Variants in RASAL2 observed in about 807,000 individuals in gnomAD.
The protein encoded by RASAL2 is RAS protein activator like 2.
Under a neutral mutation model 128.9 loss-of-function variants are expected in RASAL2, and 58 were observed. The ratio of observed to expected loss-of-function variants is 0.45; its 90% CI spans 0.36 to 0.56. The LOEUF (loss-of-function observed/expected upper bound fraction) is 0.56. RASAL2 is among the 20% of genes least tolerant of loss of function. RASAL2 has a pLI of 0.00. For synonymous variants in RASAL2, 561 were observed against 580.8 expected, an observed-to-expected ratio of 0.97 and a Z score of 0.49; for missense variants, 1,360 against 1,601.6, an observed-to-expected ratio of 0.85 and a Z score of 2.57.
chr1:178,363,754 A>G (rs1256724157), intron 3 of RASAL2, among the ~76,000 whole-genome samples: 1 of 152,232 alleles, frequency 6.6e-6, no homozygotes, highest in African/African-American at 2.4e-5. Context: ...TTTGAAAAAC[A>G]ATCAGACTAT....
intron 9 of RASAL2, among the ~76,000 whole-genome samples, chr1:178,447,992 G>A (rs1044461296): frequency 1.3e-5 from 2 of 152,080 alleles, no homozygotes; most frequent in African/African-American, 2.4e-5. Context: ...AATCTCAGGG[G>A]TTTTAGATAG....
chr1:178,300,743 C>T (rs1667729399), intron 3 of RASAL2, among the ~76,000 whole-genome samples: 1 of 152,092 alleles, frequency 6.6e-6, no homozygotes, highest in Non-Finnish European at 1.5e-5. Flanking sequence ...CCATTCCCTA[C>T]CAAATGTATT....
chr1:178,331,130 A>G (rs1426738626), intron 3 of RASAL2, among the ~76,000 whole-genome samples: 1 of 152,192 alleles, frequency 6.6e-6, no homozygotes, highest in African/African-American at 2.4e-5. Context: ...TCTGTCTGCT[A>G]ATGTAGTACC....
At chr1:178,253,365 C>T (rs908583686) in intron 1 of RASAL2, among the ~76,000 whole-genome samples, 1 of 152,148 alleles carries the variant, frequency 6.6e-6, no homozygotes, top group African/African-American at 2.4e-5. Flanking sequence ...GTCACAATCG[C>T]AGATACCAAG....
intron 6 of RASAL2, among the ~76,000 whole-genome samples, chr1:178,440,309 A>G (rs1233062963): frequency 6.6e-6 from 1 of 152,024 alleles, no homozygotes; most frequent in Non-Finnish European, 1.5e-5. Context: ...AAGTCAAAAG[A>G]TGTTTGTTTG....
intron 1 of RASAL2, among the ~76,000 whole-genome samples, chr1:178,264,745 C>T (rs1283184357): frequency 6.6e-6 from 1 of 152,116 alleles, no homozygotes; most frequent in East Asian, 1.9e-4. Context: ...CTCTGAACCC[C>T]ACTGTTTAGA....
intron 1 of RASAL2, among the ~76,000 whole-genome samples, chr1:178,110,477 ATATT>A (rs1251355023): frequency 1.3e-5 from 2 of 148,790 alleles, no homozygotes; most frequent in East Asian, 1.9e-4. Context: ...TTTTTATACT[ATATT>A]TATACAGTGT....
chr1:178,236,964 A>G (rs910612718), intron 1 of RASAL2, among the ~76,000 whole-genome samples: 4 of 151,764 alleles, frequency 2.6e-5, no homozygotes, highest in Non-Finnish European at 5.9e-5. Flanking sequence ...GGGTTTCGCC[A>G]TGTTGGTCAG....
At chr1:178,311,416 A>C (rs1571834054) in intron 3 of RASAL2, among the ~76,000 whole-genome samples, 1 of 152,250 alleles carries the variant, frequency 6.6e-6, no homozygotes, top group South Asian at 2.1e-4. Context: ...TAAATAGCTC[A>C]GGAATTGAGC....
chr1:178,449,712 A>G (rs1341967249), intron 9 of RASAL2, among the ~76,000 whole-genome samples: 3 of 152,108 alleles, frequency 2.0e-5, no homozygotes, highest in African/African-American at 2.4e-5. Context: ...TTCAACAGTT[A>G]AAGTATTATT....
chr1:178,411,446 A>G (rs911265569), intron 4 of RASAL2, among the ~76,000 whole-genome samples: 1 of 152,180 alleles, frequency 6.6e-6, no homozygotes. Flanking sequence ...CATTGGGTAC[A>G]GTCTACACTG....
chr1:178,469,191 G>T (rs905061058), intron 17 of RASAL2, among the ~76,000 whole-genome samples: 7 of 152,138 alleles, frequency 4.6e-5, no homozygotes, highest in Admixed American at 3.9e-4. Flanking sequence ...CAGCTGCTTG[G>T]GGGGCTGAGG....
intron 5 of RASAL2, among the ~76,000 whole-genome samples, chr1:178,435,323 G>A (rs1676185825): frequency 6.6e-6 from 1 of 152,046 alleles, no homozygotes; most frequent in South Asian, 2.1e-4. Context: ...GGCCAGTTAA[G>A]CTGAGAAAAT....
At chr1:178,372,032 A>G (rs1031746709) in intron 3 of RASAL2, 2 of 405,652 alleles carry the variant, frequency 4.9e-6, no homozygotes, top group East Asian at 1.6e-4. Context: ...TTTTAACCCT[A>G]TTTCTTTCCC....
chr1:178,383,179 T>C (rs1249223356), intron 3 of RASAL2, among the ~76,000 whole-genome samples: 1 of 152,208 alleles, frequency 6.6e-6, no homozygotes, highest in Admixed American at 6.5e-5. Flanking sequence ...ACCACATTTA[T>C]GTACTTAGCA....
At chr1:178,221,260 T>C (rs1663603472) in intron 1 of RASAL2, among the ~76,000 whole-genome samples, 1 of 152,220 alleles carries the variant, frequency 6.6e-6, no homozygotes, top group Non-Finnish European at 1.5e-5. Context: ...TGCCCATTTT[T>C]AATTGATTTC....
At chr1:178,151,126 G>A (rs1159681275) in intron 1 of RASAL2, among the ~76,000 whole-genome samples, 1 of 152,136 alleles carries the variant, frequency 6.6e-6, no homozygotes, top group East Asian at 1.9e-4. Context: ...TAGCAGCCAG[G>A]CATGGTGGCT....
intron 3 of RASAL2, among the ~76,000 whole-genome samples, chr1:178,302,942 A>G (rs966210625): frequency 3.9e-5 from 6 of 151,986 alleles, no homozygotes; most frequent in Non-Finnish European, 7.4e-5. Flanking sequence ...GCTTGAACCC[A>G]GGAGGTGGAG....
intron 1 of RASAL2, among the ~76,000 whole-genome samples, chr1:178,179,329 A>T (rs1054617570): frequency 6.6e-6 from 1 of 152,216 alleles, no homozygotes; most frequent in Non-Finnish European, 1.5e-5. Context: ...GCACATAAAA[A>T]TGAAGTAACT....
Sources: gnomAD v4.1 joint callset for allele counts (sites outside exome capture counted in the v4.1 genomes callset) on GRCh38, gnomAD v4.1.1 for gene constraint, MANE v1.5 for transcripts, NCBI Gene and HGNC (gene_info 2026-07-23, HGNC 2026-07-21) for gene names.